The following LRRC3B variants were observed in gnomAD, a reference collection of about 807,000 sequenced individuals.
The protein encoded by LRRC3B is leucine rich repeat containing 3B, also known as leucine-rich repeat-containing protein 3B.
LRRC3B carries 2 observed loss-of-function variants against 12.8 expected under a neutral mutation model. The ratio of observed to expected loss-of-function variants is 0.16; its 90% CI spans 0.06 to 0.49. The LOEUF (loss-of-function observed/expected upper bound fraction) is 0.49, where lower values mean the gene tolerates loss of function less well. Ranked by LOEUF, LRRC3B falls within the 20% of genes least tolerant of loss-of-function variation. The pLI, the probability that LRRC3B is intolerant of heterozygous loss-of-function variation, is 0.96. For missense variants in LRRC3B, 189 were observed against 319.4 expected (o/e 0.59, Z 3.11); for synonymous variants, 132 against 122.0 (o/e 1.08, Z -0.54).
chr3:26,670,466 G>A lies in LRRC3B; in HGVS notation c.-160-39047G>A, dbSNP rs186990382. On this transcript the variant is annotated intron_variant, in intron 1 of 1. Coordinates refer to ENST00000396641, the Ensembl canonical transcript of LRRC3B. Reference sequence around the variant, plus strand: ...TCATTCTACCACTTATATCTTCGGGGAAATTATTTCTTCTTTCTGAGCACC... The same window carrying A: ...TCATTCTACCACTTATATCTTCGGGAAAATTATTTCTTCTTTCTGAGCACC... Among the ~76,000 whole-genome samples the A allele has an allele frequency of 6.3e-4, 96 of 152,258 alleles. No homozygotes were observed. In the East Asian group the frequency reaches 0.016, roughly 26 times the overall value.
At chr3:26,641,820 G>C (rs1244609822) in intron 1 of LRRC3B, among the ~76,000 whole-genome samples, 1 of 152,024 alleles carries the variant, frequency 6.6e-6, no homozygotes, top group Non-Finnish European at 1.5e-5. Context: ...AAATGTCAGA[G>C]TAGTTCTCAA....
chr3:26,651,522 T>A (rs984989414), intron 1 of LRRC3B, among the ~76,000 whole-genome samples: 1 of 152,178 alleles, frequency 6.6e-6, no homozygotes, highest in Non-Finnish European at 1.5e-5. Context: ...GTCAGAAAAT[T>A]TACTTTATCA....
intron 1 of LRRC3B, chr3:26,623,771 A>T (rs1698560086): frequency 6.6e-6 from 1 of 152,338 alleles, no homozygotes. Context: ...GATGGGAGTC[A>T]GTCCATCCTT....
At chr3:26,689,698 A>G (rs530911577) in intron 1 of LRRC3B, among the ~76,000 whole-genome samples, 1 of 152,284 alleles carries the variant, frequency 6.6e-6, no homozygotes, top group South Asian at 2.1e-4. Context: ...GCCCACCCCC[A>G]GGACTTTTAG....
intron 1 of LRRC3B, among the ~76,000 whole-genome samples, chr3:26,635,787 G>A (rs184243563): frequency 1.3e-5 from 2 of 152,298 alleles, no homozygotes; most frequent in East Asian, 3.9e-4. Context: ...TATACCACCA[G>A]CCTGGCACAT....
intron 1 of LRRC3B, among the ~76,000 whole-genome samples, chr3:26,663,720 G>A (rs941111562): frequency 6.6e-6 from 1 of 152,126 alleles, no homozygotes; most frequent in Non-Finnish European, 1.5e-5. Context: ...TTATGACTAA[G>A]TTAATTGTAT....
intron 1 of LRRC3B, among the ~76,000 whole-genome samples, chr3:26,658,690 A>G (rs1293692607): frequency 6.6e-6 from 1 of 152,254 alleles, no homozygotes; most frequent in Non-Finnish European, 1.5e-5. Context: ...TGATGAAAAA[A>G]TTGCAATCAG....
chr3:26,648,266 G>GT (rs941062371), intron 1 of LRRC3B, among the ~76,000 whole-genome samples: 2 of 151,756 alleles, frequency 1.3e-5, no homozygotes, highest in Admixed American at 6.6e-5. Context: ...AGAAAGATGT[G>GT]TTTTTTTTAG....
intron 1 of LRRC3B, among the ~76,000 whole-genome samples, chr3:26,627,110 TC>T (rs1698644445): frequency 6.6e-6 from 1 of 152,242 alleles, no homozygotes; most frequent in South Asian, 2.1e-4. Flanking sequence ...ATTTGCCACT[TC>T]CTCGCCTACC....
intron 1 of LRRC3B, among the ~76,000 whole-genome samples, chr3:26,704,304 T>G (rs1271850592): frequency 6.6e-6 from 1 of 152,198 alleles, no homozygotes; most frequent in Non-Finnish European, 1.5e-5. Flanking sequence ...TTTTGATAGA[T>G]ATTCCCAAAT....
chr3:26,709,992 C>A, exon 2 of LRRC3B: 2 of 1,614,096 alleles, frequency 1.2e-6, no homozygotes, highest in Non-Finnish European at 1.7e-6. Context: ...GATGAGCATG[C>A]CTTCAAAGGA....
At chr3:26,672,552 A>AT (rs1359699274) in intron 1 of LRRC3B, among the ~76,000 whole-genome samples, 1 of 152,188 alleles carries the variant, frequency 6.6e-6, no homozygotes, top group Non-Finnish European at 1.5e-5. Context: ...CTGGCAGTTT[A>AT]TACTCAGTTT....
chr3:26,665,774 T>G (rs994652578), intron 1 of LRRC3B, among the ~76,000 whole-genome samples: 4 of 152,170 alleles, frequency 2.6e-5, no homozygotes, highest in African/African-American at 9.6e-5. Flanking sequence ...AAAAGAAAGT[T>G]TTCTTCACTG....
chr3:26,683,257 C>T lies in LRRC3B; in HGVS notation c.-160-26256C>T, dbSNP rs183002933. The stretch of plus-strand genomic sequence containing the variant: ...TCCTTTGTCCCATCAAGGAAGGAGA[C>T]AGCAGTTTAAACTACATTATAGGAC... On this transcript the variant is annotated intron_variant, in intron 1 of 1. Transcript: ENST00000396641. 2.2e-3 allele frequency among the ~76,000 whole-genome samples: 338 copies of T among 152,314 alleles called. 1 individual carries two copies. The highest frequency in any genetic ancestry group is 7.9e-3 in the African/African-American group (329 of 41,568).
chr3:26,625,445 G>T (rs1417996034), intron 1 of LRRC3B: 1 of 152,200 alleles, frequency 6.6e-6, no homozygotes, highest in Non-Finnish European at 1.5e-5. Context: ...GAGCACAAAG[G>T]CCACACCCTC....
At position 26,641,438 on chromosome 3, in the gene LRRC3B, C is replaced by T. The variant is rs534926318; in HGVS notation, c.-161+18201C>T. ...GCCTTCCAAGTGTAATTCTGCATGG[C>T]ATGTCTGCCTTCCAGATCTCAGGAT... On this transcript the variant is annotated intron_variant, in intron 1 of 1. Transcript: ENST00000396641. Among the ~76,000 whole-genome samples, 10 of 152,338 alleles carry T rather than the reference C, an allele frequency of 6.6e-5. No individual in the cohort carries two copies. In the East Asian group the frequency reaches 1.2e-3, roughly 18 times the overall value.
At chr3:26,699,923 A>G (rs1307506560) in intron 1 of LRRC3B, among the ~76,000 whole-genome samples, 1 of 152,178 alleles carries the variant, frequency 6.6e-6, no homozygotes, top group Non-Finnish European at 1.5e-5. Flanking sequence ...ACAGAGGGAT[A>G]AATGCTGGGT....
chr3:26,628,877 A>G (rs1698690333), intron 1 of LRRC3B, among the ~76,000 whole-genome samples: 1 of 151,834 alleles, frequency 6.6e-6, no homozygotes, highest in Non-Finnish European at 1.5e-5. Flanking sequence ...TCCACAAATA[A>G]AAACAGATTT....
intron 1 of LRRC3B, among the ~76,000 whole-genome samples, chr3:26,657,609 C>T (rs1242251796): frequency 6.6e-6 from 1 of 152,136 alleles, no homozygotes; most frequent in African/African-American, 2.4e-5. Context: ...TGCCTGCTTT[C>T]ATGCTTTGAG....
Sources: allele counts gnomAD v4.1 joint callset (sites outside exome capture counted in the v4.1 genomes callset), GRCh38; gene constraint gnomAD v4.1.1; transcripts MANE v1.5; gene names NCBI Gene and HGNC (gene_info 2026-07-23, HGNC 2026-07-21).